Variants in CDH20 observed in about 807,000 individuals in gnomAD.
The protein encoded by CDH20 is cadherin-20.
In CDH20, 29 loss-of-function variants were observed where a neutral mutation model predicts 74.2. The ratio of observed to expected loss-of-function variants is 0.39; its 90% CI spans 0.29 to 0.53. The LOEUF (loss-of-function observed/expected upper bound fraction) is 0.53, where lower values mean the gene tolerates loss of function less well. CDH20 is among the 20% of genes least tolerant of loss of function. The pLI, the probability that CDH20 is intolerant of heterozygous loss-of-function variation, is 0.69. For synonymous variants in CDH20, 469 were observed against 405.4 expected (o/e 1.16, Z -1.88); for missense variants, 988 against 1,048.3 (o/e 0.94, Z 0.79).
intron 1 of CDH20, among the ~76,000 whole-genome samples, chr18:61,391,047 T>C (rs530244691): frequency 9.2e-5 from 14 of 152,170 alleles, no homozygotes; most frequent in Admixed American, 2.6e-4. Context: ...GTCAACAAGA[T>C]TAAAAGGCGA....
At chr18:61,504,126 A>G (rs779866845) in intron 5 of CDH20, among the ~76,000 whole-genome samples, 15 of 152,212 alleles carry the variant, frequency 9.9e-5, no homozygotes, top group Non-Finnish European at 7.3e-5. Context: ...AATGTGCTGT[A>G]TCTCCAGTGG....
intron 1 of CDH20, among the ~76,000 whole-genome samples, chr18:61,464,075 A>G (rs1909876202): frequency 6.6e-6 from 1 of 152,212 alleles, no homozygotes; most frequent in Non-Finnish European, 1.5e-5. Flanking sequence ...AAGTAACACC[A>G]GCTACAGTGT....
chr18:61,453,010 C>A (rs1313302985), intron 1 of CDH20, among the ~76,000 whole-genome samples: 2 of 152,110 alleles, frequency 1.3e-5, no homozygotes, highest in Admixed American at 6.5e-5. Flanking sequence ...TCCTGACTAC[C>A]CTTTACCCCG....
intron 1 of CDH20, among the ~76,000 whole-genome samples, chr18:61,365,098 C>A (rs1356270810): frequency 6.6e-6 from 1 of 152,192 alleles, no homozygotes; most frequent in Non-Finnish European, 1.5e-5. Context: ...TCTGCCACCC[C>A]AATAGATCTT....
intron 1 of CDH20, among the ~76,000 whole-genome samples, chr18:61,401,170 T>C (rs193263160): frequency 6.6e-6 from 1 of 152,356 alleles, no homozygotes; most frequent in East Asian, 1.9e-4. Flanking sequence ...TTACCCATGT[T>C]CAAACTCATC....
intron 1 of CDH20, among the ~76,000 whole-genome samples, chr18:61,485,260 G>A (rs370339737): frequency 6.6e-6 from 1 of 152,196 alleles, no homozygotes; most frequent in East Asian, 1.9e-4. Context: ...TCTGAGGAGT[G>A]AGGAAAGCCT....
intron 1 of CDH20, among the ~76,000 whole-genome samples, chr18:61,428,586 A>T (rs12455169): frequency 0.18 from 27,375 of 152,082 alleles, 2,612 homozygotes; most frequent in East Asian, 0.27. Context: ...GACACCTTGC[A>T]TCTCAATATC....
intron 1 of CDH20, among the ~76,000 whole-genome samples, chr18:61,402,023 G>C (rs2144227534): frequency 6.6e-6 from 1 of 152,316 alleles, no homozygotes; most frequent in Admixed American, 6.5e-5. Context: ...AGGTTGGTTT[G>C]TCTAAGGGGC....
chr18:61,363,090 T>A (rs1910753028), intron 1 of CDH20, among the ~76,000 whole-genome samples: 1 of 152,160 alleles, frequency 6.6e-6, no homozygotes, highest in South Asian at 2.1e-4. Context: ...TGAGTGTTTA[T>A]CTTGGGCCCT....
chr18:61,511,991 A>G (rs574087071), intron 6 of CDH20, among the ~76,000 whole-genome samples: 1 of 152,350 alleles, frequency 6.6e-6, no homozygotes, highest in Admixed American at 6.5e-5. Flanking sequence ...TTGCAACAAC[A>G]TTCACTCAGA....
chr18:61,392,279 T>G (rs938435944), intron 1 of CDH20, among the ~76,000 whole-genome samples: 2 of 149,136 alleles, frequency 1.3e-5, no homozygotes, highest in African/African-American at 2.5e-5. Context: ...TGCCCATTAA[T>G]GCCTCTAGAC....
intron 1 of CDH20, among the ~76,000 whole-genome samples, chr18:61,440,407 A>C (rs1908989359): frequency 6.6e-6 from 1 of 152,206 alleles, no homozygotes; most frequent in Admixed American, 6.5e-5. Context: ...AGAAATAGTA[A>C]AAACTACTAC....
intron 1 of CDH20, among the ~76,000 whole-genome samples, chr18:61,375,621 T>C (rs959210303): frequency 6.6e-6 from 1 of 152,130 alleles, no homozygotes; most frequent in African/African-American, 2.4e-5. Flanking sequence ...TTCCTTATCT[T>C]CCCCTTCCAT....
intron 1 of CDH20, among the ~76,000 whole-genome samples, chr18:61,467,285 T>C (rs1909994753): frequency 6.6e-6 from 1 of 152,196 alleles, no homozygotes; most frequent in Admixed American, 6.5e-5. Context: ...GAGAGGCTTG[T>C]GAGGCCTAAT....
intron 1 of CDH20, among the ~76,000 whole-genome samples, chr18:61,350,144 C>A (rs1910256902): frequency 6.6e-6 from 1 of 152,090 alleles, no homozygotes; most frequent in Admixed American, 6.6e-5. Context: ...CCCTGCTAAA[C>A]TGCCTGTATA....
intron 1 of CDH20, among the ~76,000 whole-genome samples, chr18:61,471,634 C>A (rs1297552475): frequency 2.0e-5 from 3 of 151,998 alleles, no homozygotes; most frequent in Non-Finnish European, 4.4e-5. Context: ...AAGCAAAATG[C>A]AAAAGTTTAA....
intron 1 of CDH20, among the ~76,000 whole-genome samples, chr18:61,393,675 T>C (rs926235404): frequency 2.6e-5 from 4 of 152,238 alleles, no homozygotes; most frequent in Admixed American, 2.6e-4. Context: ...AACAGCTCAG[T>C]CACTGTCATA....
In CDH20 at chr18:61,554,902, C is replaced by G; in HGVS notation, c.*207C>G. 1 of 1,378,886 alleles carries G rather than the reference C, an allele frequency of 7.3e-7. No homozygotes were observed. The highest frequency in any genetic ancestry group is 9.4e-7 in the Non-Finnish European group (1 of 1,068,194). The allele number at this position is 1,378,886 out of a possible 1,614,324, so 85.4% of individuals were successfully genotyped here. ...AAACCCAGAAGGAAGAGGGCAGAAT[C>G]TTTAATTACCTTTTTTTCTTTTCTT... On this transcript the variant is annotated 3_prime_UTR_variant, in exon 12 of 12. Transcript: ENST00000262717.
intron 1 of CDH20, among the ~76,000 whole-genome samples, chr18:61,416,272 G>A (rs7235564): frequency 0.029 from 4,371 of 152,162 alleles, 230 homozygotes; most frequent in African/African-American, 0.099. Flanking sequence ...GATCCAATGG[G>A]CCTTAATGGC....
Sources: allele counts gnomAD v4.1 joint callset (sites outside exome capture counted in the v4.1 genomes callset), GRCh38; gene constraint gnomAD v4.1.1; transcripts MANE v1.5; gene names NCBI Gene and HGNC (gene_info 2026-07-23, HGNC 2026-07-21).